EBF3: variants seen among roughly 807,000 people sequenced by gnomAD.
The protein encoded by EBF3 is transcription factor COE3.
In EBF3, 18 loss-of-function variants were observed where a neutral mutation model predicts 77.1. The observed-to-expected ratio is 0.23, with a 90% CI of 0.16 to 0.35. EBF3 has a LOEUF of 0.35. EBF3 is among the 10% of genes least tolerant of loss of function. The pLI is 1.00. For missense variants in EBF3, 558 were observed against 860.0 expected (o/e 0.65, Z 4.39); for synonymous variants, 350 against 343.5 (o/e 1.02, Z -0.21).
At chr10:129,914,051 T>C (rs770650313) in intron 6 of EBF3, among the ~76,000 whole-genome samples, 2 of 152,166 alleles carry the variant, frequency 1.3e-5, no homozygotes, top group African/African-American at 2.4e-5. Context: ...AACCCACTCA[T>C]GCAATTTGGA....
intron 10 of EBF3, among the ~76,000 whole-genome samples, chr10:129,866,269 A>G (rs1001610949): frequency 3.3e-5 from 5 of 152,112 alleles, no homozygotes; most frequent in South Asian, 2.1e-4. Flanking sequence ...CCACAGGCAT[A>G]CACCACCATG....
chr10:129,851,998 A>G (rs1327089334), intron 10 of EBF3, among the ~76,000 whole-genome samples: 1 of 152,218 alleles, frequency 6.6e-6, no homozygotes, highest in African/African-American at 2.4e-5. Flanking sequence ...TTACACAGCA[A>G]TAAAACCTGA....
In EBF3 at chr10:129,885,877, C is replaced by T. The variant is rs948271362; in HGVS notation, c.555-8028G>A. Among the ~76,000 whole-genome samples, 3 of 152,276 alleles carry T rather than the reference C, an allele frequency of 2.0e-5. No individual in the cohort carries two copies. Among genetic ancestry groups the T allele is most frequent in the Admixed American group, 6.5e-5 (1 of 15,300 alleles). ...GCAGAGATTAAGTGCCTATGCTTAT[C>T]CCAACTTAGGGTTTCAAGCCTCTCC... On this transcript the variant is annotated intron_variant, in intron 6 of 16. Transcript: ENST00000440978. This position sits in a 1 kb window ranked among gnomAD's most constrained non-coding sequence, Gnocchi z 4.0.
chr10:129,875,258 A>G (rs894945390), intron 7 of EBF3, among the ~76,000 whole-genome samples: 4 of 130,614 alleles, frequency 3.1e-5, no homozygotes, highest in Admixed American at 9.7e-5. Flanking sequence ...GTGCAGTGGC[A>G]CGATCTCAGC....
intron 6 of EBF3, 98 bp from the exon 7 acceptor site, chr10:129,877,947 A>G: frequency 2.2e-6 from 2 of 923,706 alleles, no homozygotes; most frequent in Non-Finnish European, 3.3e-6. Flanking sequence ...GTGGAGACTC[A>G]ACCCCACAGC....
At chr10:129,881,531 C>T (rs1485501925) in intron 6 of EBF3, among the ~76,000 whole-genome samples, 1 of 152,182 alleles carries the variant, frequency 6.6e-6, no homozygotes, top group Admixed American at 6.5e-5. Context: ...CCCACAGAAT[C>T]CTGGGAAGTT....
chr10:129,860,293 G>A (rs565853102), intron 10 of EBF3, among the ~76,000 whole-genome samples: 1 of 151,950 alleles, frequency 6.6e-6, no homozygotes, highest in East Asian at 1.9e-4. Flanking sequence ...GGTGGGTGAG[G>A]AGCGGGACCA....
intron 8 of EBF3, among the ~76,000 whole-genome samples, chr10:129,872,967 C>A (rs937253360): frequency 1.3e-5 from 2 of 152,062 alleles, no homozygotes; most frequent in African/African-American, 4.8e-5. Context: ...TGGTATTTCA[C>A]CCCCTCCTCC....
chr10:129,835,912 T>A lies in EBF3; in HGVS notation c.*2031A>T, dbSNP rs1849585213. Reference sequence around the variant, plus strand: ...GGGTTTGGCACTAAGAGGCACGATATCTGAAGGAGGTCATTCCAGTTTTAA... The same window carrying A: ...GGGTTTGGCACTAAGAGGCACGATAACTGAAGGAGGTCATTCCAGTTTTAA... On this transcript the variant is annotated 3_prime_UTR_variant, in exon 17 of 17. Coordinates refer to ENST00000440978, the MANE Select transcript of EBF3 (RefSeq NM_001375380.1). 1 of 151,382 alleles carries A rather than the reference T, an allele frequency of 6.6e-6. No homozygotes were observed. The highest frequency in any genetic ancestry group is 1.5e-5 in the Non-Finnish European group (1 of 67,910). 9.4% of individuals were successfully genotyped at this position (151,382 alleles called of 1,614,324 possible). A position where few individuals can be genotyped will look rare whatever the true frequency, so the allele number is the denominator to read the frequency against.
Position 129,885,182 on chromosome 10 carries a change from G to C in EBF3, c.555-7333C>G, listed in dbSNP as rs1318085221. On this transcript the variant is annotated intron_variant, in intron 6 of 16. Coordinates refer to ENST00000440978, the MANE Select transcript of EBF3 (RefSeq NM_001375380.1). This position sits in a 1 kb window ranked among gnomAD's most constrained non-coding sequence, Gnocchi z 4.0. ...TACCATGATCTTGTACTTTTGCAAT[G>C]ATTCTCATTAAAATGATGCCAAAGA... 6.6e-6 allele frequency among the ~76,000 whole-genome samples: 1 copy of C among 152,154 alleles called. No individual in the cohort carries two copies. Among genetic ancestry groups the C allele is most frequent in the African/African-American group, 2.4e-5 (1 of 41,422 alleles).
Position 129,963,084 on chromosome 10 carries a change from C to T in EBF3, c.292-79G>A, listed in dbSNP as rs1044813951. On this transcript the variant is annotated intron_variant, in intron 2 of 16. Coordinates refer to ENST00000440978, the MANE Select transcript of EBF3 (RefSeq NM_001375380.1). The surrounding 1 kb of genome is among the most constrained non-coding windows in gnomAD (Gnocchi z 7.1). Reference sequence around the variant, plus strand: ...ACCACGCTCGGTCCCCCTCCGCGACCGAGGCTCTCGGCCTCACACATGGCA... The same window carrying T: ...ACCACGCTCGGTCCCCCTCCGCGACTGAGGCTCTCGGCCTCACACATGGCA... The T allele has an allele frequency of 7.7e-6, 12 of 1,553,682 alleles. No individual in the cohort carries two copies. The highest frequency in any genetic ancestry group is 1.1e-5 in the Non-Finnish European group (12 of 1,125,810).
chr10:129,901,928 G>A (rs185275790), intron 6 of EBF3, among the ~76,000 whole-genome samples: 9 of 152,310 alleles, frequency 5.9e-5, no homozygotes, highest in Non-Finnish European at 1.0e-4. Context: ...GGCGGAATCC[G>A]CAGCTTTCCA....
At position 129,963,004 on chromosome 10, in the gene EBF3, TC is replaced by T. The variant is rs1859644747; in HGVS notation, c.292del (p.Glu98SerfsTer34). 1 of 1,614,030 alleles carries T rather than the reference TC, an allele frequency of 6.2e-7. No homozygotes were observed. Among genetic ancestry groups the T allele is most frequent in the African/African-American group, 1.3e-5 (1 of 74,950 alleles). ...AFVDFVEKEK[E>X]PNNEKTNNGI... The stretch of plus-strand genomic sequence containing the variant: ...GTTGTTGGTTTTCTCGTTGTTTGGC[TC>T]CTGAAAGTAACGATAAATAATTGCA... On this transcript the variant is annotated frameshift_variant and splice_region_variant, in exon 3 of 17. Transcript: ENST00000440978. LOFTEE classifies it high-confidence loss of function. This position sits in a 1 kb window ranked among gnomAD's most constrained non-coding sequence, Gnocchi z 7.1.
intron 16 of EBF3, among the ~76,000 whole-genome samples, chr10:129,838,509 A>C (rs944511101): frequency 3.3e-5 from 5 of 152,164 alleles, no homozygotes; most frequent in Non-Finnish European, 5.9e-5. Context: ...GGCTCTCCAG[A>C]ATCAAAGCCA....
In EBF3 at chr10:129,863,423, G is replaced by C. The variant is rs1851775393; in HGVS notation, c.1039+3718C>G. On this transcript the variant is annotated intron_variant, in intron 10 of 16. Transcript: ENST00000440978. This position sits in a 1 kb window ranked among gnomAD's most constrained non-coding sequence, Gnocchi z 4.0. Reference sequence around the variant, plus strand: ...CTTCCCACTCGGGGTTGACTAATAGGGTCTGGTTCAGAAAAATCTGGTGTT... The same window carrying C: ...CTTCCCACTCGGGGTTGACTAATAGCGTCTGGTTCAGAAAAATCTGGTGTT... Among the ~76,000 whole-genome samples the C allele has an allele frequency of 6.6e-6, 1 of 152,328 alleles. No individual in the cohort carries two copies. The highest frequency in any genetic ancestry group is 6.5e-5 in the Admixed American group (1 of 15,300).
At chr10:129,899,020 G>A (rs1854593911) in intron 6 of EBF3, among the ~76,000 whole-genome samples, 2 of 152,270 alleles carry the variant, frequency 1.3e-5, no homozygotes, top group East Asian at 1.9e-4. Context: ...ACGTCGGAGC[G>A]CGGCAGCAAC....
intron 6 of EBF3, among the ~76,000 whole-genome samples, chr10:129,914,006 G>A (rs1855700753): frequency 6.6e-6 from 1 of 152,326 alleles, no homozygotes; most frequent in South Asian, 2.1e-4. Context: ...CAAGAGCAAG[G>A]CCTGGTGGTT....
chr10:129,849,478 C>T (rs1018875528), intron 10 of EBF3, among the ~76,000 whole-genome samples: 1 of 152,204 alleles, frequency 6.6e-6, no homozygotes, highest in African/African-American at 2.4e-5. Context: ...ACACGCCCCA[C>T]CTCAGCAGGT....
chr10:129,846,332 A>C (rs550075578), intron 11 of EBF3, among the ~76,000 whole-genome samples: 24 of 152,152 alleles, frequency 1.6e-4, no homozygotes, highest in African/African-American at 4.3e-4. Flanking sequence ...ATTACCCATC[A>C]AACCACGTGC....
Sources: allele counts gnomAD v4.1 joint callset (sites outside exome capture counted in the v4.1 genomes callset), GRCh38; gene constraint gnomAD v4.1.1; non-coding constraint Gnocchi (gnomAD v3.1); transcripts MANE v1.5; gene names NCBI Gene and HGNC (gene_info 2026-07-23, HGNC 2026-07-21).